IL1RL1: variants seen among roughly 807,000 people sequenced by gnomAD.
IL1RL1 encodes interleukin 1 receptor like 1.
A neutral mutation model predicts 50.9 loss-of-function variants in IL1RL1; 32 were observed. The observed-to-expected ratio is 0.63, with a 90% CI of 0.47 to 0.84. IL1RL1 has a LOEUF of 0.84. IL1RL1 is among the 40% of genes least tolerant of loss of function. IL1RL1 has a pLI of 0.00. For synonymous variants in IL1RL1, 275 were observed against 236.0 expected, an observed-to-expected ratio of 1.17 and a Z score of -1.51; for missense variants, 773 against 662.9, an observed-to-expected ratio of 1.17 and a Z score of -1.82.
chr2:102,344,739 G>A (rs1573159496), intron 8 of IL1RL1: 1 of 940,042 alleles, frequency 1.1e-6, no homozygotes, highest in South Asian at 4.9e-5. Context: ...GATACCAAAT[G>A]TTTTTTTTGT....
intron 1 of IL1RL1, among the ~76,000 whole-genome samples, chr2:102,322,161 A>C (rs1676855503): frequency 6.6e-6 from 1 of 152,212 alleles, no homozygotes; most frequent in Admixed American, 6.5e-5. Flanking sequence ...TCTGAATTCC[A>C]TAAGGCAGCC....
rs1676472029 is a variant in IL1RL1, at chr2:102,311,591, A to T, written c.-182A>T. The T allele has an allele frequency of 6.6e-6, 1 of 151,260 alleles. No homozygotes were observed. The highest frequency in any genetic ancestry group is 1.5e-5 in the Non-Finnish European group (1 of 67,944). 9.4% of individuals were successfully genotyped at this position (151,260 alleles called of 1,614,324 possible). ...TTGTGAAACTGTGGGCAGAAAGTTG[A>T]GGAAGAAAGAACTCAAGTACAACCC... On this transcript the variant is annotated 5_prime_UTR_variant, in exon 1 of 11. Transcript: ENST00000233954.
At chr2:102,314,083 C>T (rs1032596367) in intron 1 of IL1RL1, among the ~76,000 whole-genome samples, 6 of 152,086 alleles carry the variant, frequency 3.9e-5, no homozygotes, top group Non-Finnish European at 7.4e-5. Flanking sequence ...ATTTGTGGGC[C>T]AAGGGTAGGA....
At chr2:102,347,394 C>G (rs1387216155) in intron 8 of IL1RL1, among the ~76,000 whole-genome samples, 2 of 152,224 alleles carry the variant, frequency 1.3e-5, no homozygotes, top group Non-Finnish European at 2.9e-5. Flanking sequence ...ATAAGGCAAT[C>G]TGCCTTAGTT....
At chr2:102,329,534 C>A (rs1237447222) in intron 1 of IL1RL1, among the ~76,000 whole-genome samples, 1 of 152,138 alleles carries the variant, frequency 6.6e-6, no homozygotes, top group Non-Finnish European at 1.5e-5. Context: ...AAAGAAACTA[C>A]CATCAGAGTG....
Position 102,349,754 on chromosome 2 carries a change from C to T in IL1RL1, c.1285+508C>T, listed in dbSNP as rs187140664. 5.9e-5 allele frequency among the ~76,000 whole-genome samples: 9 copies of T among 152,238 alleles called. No individual in the cohort carries two copies. In the East Asian group the frequency reaches 1.7e-3, roughly 29 times the overall value. On this transcript the variant is annotated intron_variant, in intron 10 of 10. Coordinates refer to ENST00000233954, the MANE Select transcript of IL1RL1 (RefSeq NM_016232.5). ...CTATAGCTTCTGTTCCTTAATATTC[C>T]TACCCAATTTTATATACTTTTGACA...
At chr2:102,340,892 G>T (rs1275665112) in intron 5 of IL1RL1, 64 bp downstream of exon 5, 8 of 1,324,662 alleles carry the variant, frequency 6.0e-6, no homozygotes, top group African/African-American at 1.5e-5. Flanking sequence ...GAACAGCGGT[G>T]CCCTTCTGGT....
intron 1 of IL1RL1, among the ~76,000 whole-genome samples, chr2:102,320,851 A>C (rs1676817048): frequency 6.6e-6 from 1 of 152,170 alleles, no homozygotes; most frequent in South Asian, 2.1e-4. Context: ...CATTCTTAAG[A>C]GTGTTTTCAC....
intron 1 of IL1RL1, among the ~76,000 whole-genome samples, chr2:102,336,059 T>C (rs1677315580): frequency 6.6e-6 from 1 of 152,150 alleles, no homozygotes; most frequent in Non-Finnish European, 1.5e-5. Flanking sequence ...CCCTGACAGA[T>C]AAGAGATTCA....
chr2:102,338,980 G>A lies in IL1RL1; in HGVS notation c.205G>A (p.Gly69Ser), dbSNP rs746223541. The A allele has an allele frequency of 3.1e-6, 5 of 1,613,842 alleles. No individual in the cohort carries two copies. In the South Asian group the frequency reaches 4.4e-5, roughly 14 times the overall value. ...GGAAAGAAATCGTGTGTTTGCCTCAGGCCAACTTCTGAAGTTTCTACCAGC... is the reference window on the plus strand; with the variant it reads ...GGAAAGAAATCGTGTGTTTGCCTCAAGCCAACTTCTGAAGTTTCTACCAGC... ...TQERNRVFAS[G>S]QLLKFLPAAV... Residue 69 changes from glycine to serine, a missense_variant, in exon 3 of 11, where the codon GGC becomes AGC. By Grantham distance (56) the Gly-to-Ser change is moderately conservative. Coordinates refer to ENST00000233954, the MANE Select transcript of IL1RL1 (RefSeq NM_016232.5).
rs939598680 is a variant in IL1RL1, at chr2:102,344,011, T to C, written c.970+596T>C. ...ACTGGGTGATTTATATGAAAAGAGG[T>C]TTAATTGGCTCACAGTTCTGCAGGC... On this transcript the variant is annotated intron_variant, in intron 8 of 10. Coordinates refer to ENST00000233954, the MANE Select transcript of IL1RL1 (RefSeq NM_016232.5). 2.3e-5 allele frequency: 14 copies of C among 605,708 alleles called. No individual in the cohort carries two copies. In the South Asian group the frequency reaches 9.3e-4, roughly 40 times the overall value. The allele number at this position is 605,708 out of a possible 1,614,324, so 37.5% of individuals were successfully genotyped here.
chr2:102,321,080 C>G (rs962635465), intron 1 of IL1RL1, among the ~76,000 whole-genome samples: 1 of 152,236 alleles, frequency 6.6e-6, no homozygotes, highest in Non-Finnish European at 1.5e-5. Context: ...ACACACCAGG[C>G]TTGCCTCCAT....
rs369104980 is a variant in IL1RL1, at chr2:102,347,954, A to G, written c.980A>G (p.His327Arg). Residue 327 changes from histidine (H) to arginine (R), a missense_variant, in exon 9 of 11, where the codon CAT becomes CGT. His to Arg is a conservative substitution (Grantham distance 29). Transcript: ENST00000233954. ...TCTTTCTTTTGAATAGTTGATCATC[A>G]TAGCATCTACTGCATAATTGCAGTA... ...RLSRKNPIDHHSIYCIIAVCS... is the reference protein window; with the variant it reads ...RLSRKNPIDHRSIYCIIAVCS... 2.5e-5 allele frequency: 38 copies of G among 1,507,510 alleles called. No individual in the cohort carries two copies. The highest frequency in any genetic ancestry group is 3.4e-5 in the Non-Finnish European group (37 of 1,083,824). The allele number at this position is 1,507,510 out of a possible 1,614,324, so 93.4% of individuals were successfully genotyped here. A position where few individuals can be genotyped will look rare whatever the true frequency, so the allele number is the denominator to read the frequency against.
chr2:102,318,594 A>C (rs896226128), intron 1 of IL1RL1, among the ~76,000 whole-genome samples: 1 of 152,208 alleles, frequency 6.6e-6, no homozygotes, highest in African/African-American at 2.4e-5. Flanking sequence ...TGTAACTGCA[A>C]GAGTGTAATC....
At chr2:102,317,227 G>A (rs763673777) in intron 1 of IL1RL1, among the ~76,000 whole-genome samples, 18 of 152,122 alleles carry the variant, frequency 1.2e-4, no homozygotes, top group African/African-American at 3.6e-4. Flanking sequence ...GGTGGTGGGC[G>A]CCTGTAGTCC....
At position 102,351,814 on chromosome 2, in the gene IL1RL1, T is replaced by C; in HGVS notation, c.1564T>C (p.Ser522Pro). ...GGAGGACCACATTGCCAATAAAAGG[T>C]CCCTGAATTCTAAATTCTGGAAGCA... The part of the protein sequence containing the change: ...WREDHIANKR[S>P]LNSKFWKHVR... The change falls in exon 11 of 11, where the codon TCC (serine) becomes CCC (proline). Residue 522 changes from serine (S) to proline (P), a missense_variant. By Grantham distance (74) the Ser-to-Pro change is moderately conservative. Transcript: ENST00000233954. The C allele has an allele frequency of 6.2e-7, 1 of 1,613,932 alleles. No individual in the cohort carries two copies. The highest frequency in any genetic ancestry group is 8.5e-7 in the Non-Finnish European group (1 of 1,179,944).
intron 1 of IL1RL1, among the ~76,000 whole-genome samples, chr2:102,330,907 A>G (rs921341185): frequency 6.6e-6 from 1 of 152,232 alleles, no homozygotes; most frequent in African/African-American, 2.4e-5. Context: ...GTTATGTAAT[A>G]CAATCCATTT....
Position 102,330,991 on chromosome 2 carries a change from C to T in IL1RL1, c.-149-7125C>T, listed in dbSNP as rs576116516. ...AGTCAATTTTTCTATCATTATGTGT[C>T]GAAGGCAGTGTTTTTCACAATAAAC... On this transcript the variant is annotated intron_variant, in intron 1 of 10. Coordinates refer to ENST00000233954, the MANE Select transcript of IL1RL1 (RefSeq NM_016232.5). 9.7e-4 allele frequency among the ~76,000 whole-genome samples: 147 copies of T among 152,158 alleles called. 1 individual carries two copies. Among genetic ancestry groups the T allele is most frequent in the African/African-American group, 3.3e-3 (135 of 41,516 alleles).
intron 1 of IL1RL1, among the ~76,000 whole-genome samples, chr2:102,316,790 T>A (rs1676686689): frequency 6.6e-6 from 1 of 152,166 alleles, no homozygotes; most frequent in South Asian, 2.1e-4. Context: ...GACAAAATAT[T>A]ATATTCCAAA....
Sources: allele counts gnomAD v4.1 joint callset (sites outside exome capture counted in the v4.1 genomes callset), GRCh38; gene constraint gnomAD v4.1.1; transcripts MANE v1.5; gene names NCBI Gene and HGNC (gene_info 2026-07-23, HGNC 2026-07-21).